ATP9B: variants seen among roughly 807,000 people sequenced by gnomAD.
ATP9B encodes the protein ATPase phospholipid transporting 9B.
In ATP9B, 110 loss-of-function variants were observed where a neutral mutation model predicts 146.1. The observed-to-expected ratio is 0.75, with a 90% CI of 0.65 to 0.88. The LOEUF (loss-of-function observed/expected upper bound fraction) is 0.88. Among genes scored for constraint, ATP9B ranks in the 40% least tolerant of loss-of-function variants. The pLI, the probability that ATP9B is intolerant of heterozygous loss-of-function variation, is 0.00. For missense variants in ATP9B, 1,499 were observed against 1,496.4 expected, an observed-to-expected ratio of 1.00 and a Z score of -0.03; for synonymous variants, 604 against 569.7, an observed-to-expected ratio of 1.06 and a Z score of -0.86.
chr18:79,371,773 GGTTT>G (rs2097072243), intron 26 of ATP9B, among the ~76,000 whole-genome samples: 1 of 152,066 alleles, frequency 6.6e-6, no homozygotes, highest in African/African-American at 2.4e-5. Flanking sequence ...CTTCCGTGAG[GGTTT>G]GTCTTTCCTC....
At chr18:79,104,133 C>T (rs1482916198) in intron 2 of ATP9B, among the ~76,000 whole-genome samples, 1 of 152,092 alleles carries the variant, frequency 6.6e-6, no homozygotes, top group Non-Finnish European at 1.5e-5. Context: ...CGAAGAAGAC[C>T]CTGATTTGCT....
chr18:79,336,800 G>C, intron 18 of ATP9B, 89 bp downstream of exon 18: 2 of 1,352,524 alleles, frequency 1.5e-6, no homozygotes, highest in Admixed American at 3.9e-5. Flanking sequence ...TGAAATTAGA[G>C]CTGGGATCGC....
chr18:79,341,569 G>A (rs62096821), intron 19 of ATP9B, among the ~76,000 whole-genome samples: 935 of 119,582 alleles, frequency 7.8e-3, no homozygotes, highest in Middle Eastern at 0.029. Context: ...TGTGTGTAGC[G>A]TGACCTCGTT....
intron 2 of ATP9B, among the ~76,000 whole-genome samples, chr18:79,100,608 T>C (rs2075198982): frequency 6.6e-6 from 1 of 152,200 alleles, no homozygotes; most frequent in African/African-American, 2.4e-5. Context: ...TTTAAAAATT[T>C]TGAATTTGGA....
At chr18:79,364,247 CAG>C (rs1266255001) in intron 26 of ATP9B, 2 of 135,678 alleles carry the variant, frequency 1.5e-5, no homozygotes, top group South Asian at 2.2e-4. Flanking sequence ...GCCTGGGCGA[CAG>C]AGCGAAACTC....
rs547662703 is a variant in ATP9B at position 79,312,197 on chromosome 18, C to T, written c.1773+4963C>T. Among the ~76,000 whole-genome samples the T allele has an allele frequency of 6.6e-5, 10 of 152,294 alleles. No homozygotes were observed. In the South Asian group the frequency reaches 8.3e-4, roughly 13 times the overall value. On this transcript the variant is annotated intron_variant, in intron 15 of 29. Transcript: ENST00000426216. The stretch of plus-strand genomic sequence containing the variant: ...CCAGTGCCCCATCCAAATGCTCTTC[C>T]GGCCACATCAGTAATTCATGATGGT...
At position 79,233,289 on chromosome 18, in the gene ATP9B, GA is replaced by G. The variant is rs907858576; in HGVS notation, c.1107+19261del. On this transcript the variant is annotated intron_variant, in intron 11 of 29. Transcript: ENST00000426216. ...CTGGGCAACAGAGGTGTTGTCTCAAGAAAAAAAAAAGATACAACTATGTATA... is the reference window on the plus strand; with the variant it reads ...CTGGGCAACAGAGGTGTTGTCTCAAGAAAAAAAAAGATACAACTATGTATA... Among the ~76,000 whole-genome samples, 200 of 147,102 alleles carry G rather than the reference GA, an allele frequency of 1.4e-3. 1 individual carries two copies. Among genetic ancestry groups the G allele is most frequent in the Non-Finnish European group, 2.1e-3 (141 of 66,402 alleles).
intron 6 of ATP9B, among the ~76,000 whole-genome samples, chr18:79,150,106 C>G (rs993333854): frequency 6.6e-6 from 1 of 151,822 alleles, no homozygotes; most frequent in Non-Finnish European, 1.5e-5. Flanking sequence ...AAAATAAACA[C>G]ATGAGCAGGA....
intron 7 of ATP9B, among the ~76,000 whole-genome samples, chr18:79,155,797 CTG>C (rs1291251405): frequency 8.8e-6 from 1 of 113,764 alleles, no homozygotes; most frequent in East Asian, 3.0e-4. Flanking sequence ...GAGTCTCGCT[CTG>C]TCGCCCAGGC....
At chr18:79,070,816 T>A (rs2071649601) in intron 1 of ATP9B, among the ~76,000 whole-genome samples, 1 of 152,140 alleles carries the variant, frequency 6.6e-6, no homozygotes, top group South Asian at 2.1e-4. Context: ...GATGTCGCCA[T>A]TTATGCTTTT....
intron 25 of ATP9B, chr18:79,354,462 A>G (rs1054830446): frequency 6.6e-6 from 1 of 150,624 alleles, no homozygotes; most frequent in African/African-American, 2.4e-5. Context: ...CTAGCTACTC[A>G]GGAGGCTGAG....
intron 13 of ATP9B, among the ~76,000 whole-genome samples, chr18:79,287,565 C>CAGCT (rs1325407549): frequency 6.6e-6 from 1 of 151,446 alleles, no homozygotes; most frequent in Non-Finnish European, 1.5e-5. Context: ...TTCAAAAAAC[C>CAGCT]AGCTCCTGGA....
At chr18:79,180,490 G>C (rs539602802) in intron 8 of ATP9B, among the ~76,000 whole-genome samples, 1 of 151,970 alleles carries the variant, frequency 6.6e-6, no homozygotes, top group African/African-American at 2.4e-5. Context: ...CCCATCCTTT[G>C]TATTCATGTC....
At chr18:79,351,234 G>T (rs945379851) in intron 25 of ATP9B, among the ~76,000 whole-genome samples, 6 of 152,224 alleles carry the variant, frequency 3.9e-5, no homozygotes, top group Non-Finnish European at 8.8e-5. Flanking sequence ...AAATGTGGGG[G>T]ACCATGGAGA....
At chr18:79,170,291 A>C (rs2095050618) in intron 7 of ATP9B, among the ~76,000 whole-genome samples, 2 of 152,238 alleles carry the variant, frequency 1.3e-5, no homozygotes, top group South Asian at 4.1e-4. Flanking sequence ...ATGGGAGCAC[A>C]CAGTGATAAA....
At chr18:79,288,481 A>G (rs902835400) in intron 13 of ATP9B, among the ~76,000 whole-genome samples, 3 of 151,830 alleles carry the variant, frequency 2.0e-5, no homozygotes, top group Non-Finnish European at 4.4e-5. Context: ...ATCTTCCTCC[A>G]TCCTTTTATT....
intron 15 of ATP9B, among the ~76,000 whole-genome samples, chr18:79,327,727 G>T (rs373742921): frequency 0.014 from 738 of 53,836 alleles, no homozygotes; most frequent in African/African-American, 0.056. Flanking sequence ...TAGCGTGCTC[G>T]CCGTGGTTAG....
chr18:79,252,248 G>A (rs978325365), intron 11 of ATP9B, among the ~76,000 whole-genome samples: 6 of 152,230 alleles, frequency 3.9e-5, no homozygotes, highest in Non-Finnish European at 8.8e-5. Context: ...CCTGGGGGCT[G>A]TAAGGAAAAC....
chr18:79,358,857 G>T (rs28611192), intron 25 of ATP9B, among the ~76,000 whole-genome samples: 1 of 137,148 alleles, frequency 7.3e-6, no homozygotes, highest in Admixed American at 7.1e-5. Context: ...CTGTGTGAGG[G>T]GTGCCCTGGG....
Sources: gnomAD v4.1 joint callset for allele counts (sites outside exome capture counted in the v4.1 genomes callset) on GRCh38, gnomAD v4.1.1 for gene constraint, MANE v1.5 for transcripts, NCBI Gene and HGNC (gene_info 2026-07-23, HGNC 2026-07-21) for gene names.